Variants in NUBPL observed in about 807,000 individuals in gnomAD.
The protein encoded by NUBPL is NUBP iron-sulfur cluster assembly factor, mitochondrial, also known as iron-sulfur cluster transfer protein NUBPL.
In NUBPL, 31 loss-of-function variants were observed where a neutral mutation model predicts 45.7. The observed-to-expected ratio is 0.68, with a 90% CI of 0.51 to 0.92. The LOEUF (loss-of-function observed/expected upper bound fraction) is 0.92, where lower values mean the gene tolerates loss of function less well. NUBPL is among the 40% of genes least tolerant of loss of function. The pLI is 0.00. For synonymous variants in NUBPL, 144 were observed against 140.9 expected (o/e 1.02, Z -0.15); for missense variants, 401 against 398.7 (o/e 1.01, Z -0.05).
At chr14:31,661,219 C>T (rs1214961517) in intron 4 of NUBPL, among the ~76,000 whole-genome samples, 4 of 152,154 alleles carry the variant, frequency 2.6e-5, no homozygotes, top group African/African-American at 4.8e-5. Flanking sequence ...TTTTATGCTT[C>T]AGTGCATGAG....
rs144052193 is a variant in NUBPL at position 31,768,816 on chromosome 14, C to T, written c.514-18964C>T. Among the ~76,000 whole-genome samples, 13 of 152,314 alleles carry T rather than the reference C, an allele frequency of 8.5e-5. No homozygotes were observed. The East Asian group carries it at 2.5e-3, about 29-fold the overall frequency. ...ATGAAGAGTTCATCCTGGTACCAAG[C>T]ATTGCTTTCAGAGAAACACCAGGTG... On this transcript the variant is annotated intron_variant, in intron 6 of 10. Coordinates refer to ENST00000281081, the MANE Select transcript of NUBPL (RefSeq NM_025152.3).
intron 8 of NUBPL, among the ~76,000 whole-genome samples, chr14:31,831,503 C>A (rs567030059): frequency 8.6e-4 from 130 of 151,974 alleles, no homozygotes; most frequent in African/African-American, 3.0e-3. Flanking sequence ...CATACCATAC[C>A]ATACCATACC....
intron 6 of NUBPL, among the ~76,000 whole-genome samples, chr14:31,770,395 A>G (rs1017373619): frequency 6.6e-6 from 1 of 152,064 alleles, no homozygotes; most frequent in East Asian, 1.9e-4. Flanking sequence ...TGCTGAGTCT[A>G]CTTCTGGGTG....
chr14:31,735,213 T>C (rs1201896928), intron 6 of NUBPL, among the ~76,000 whole-genome samples: 1 of 152,212 alleles, frequency 6.6e-6, no homozygotes, highest in Non-Finnish European at 1.5e-5. Context: ...TTTCTTTTTG[T>C]CATTTATGTA....
At chr14:31,729,092 C>A (rs2037988490) in intron 6 of NUBPL, among the ~76,000 whole-genome samples, 1 of 152,004 alleles carries the variant, frequency 6.6e-6, no homozygotes, top group Admixed American at 6.6e-5. Context: ...ACCAGCCTGG[C>A]CAACATGGAG....
rs558657722 is a variant in NUBPL at position 31,631,320 on chromosome 14, CTG to C, written c.382+31943_382+31944del. The stretch of plus-strand genomic sequence containing the variant: ...GCCAGGAGCAAAGCTCCATTTATAG[CTG>C]TTACTTTTTTTTCCCTCTATGTATT... On this transcript the variant is annotated intron_variant, in intron 4 of 10. Transcript: ENST00000281081. 2.4e-3 allele frequency among the ~76,000 whole-genome samples: 370 copies of C among 152,134 alleles called. 1 individual carries two copies. The highest frequency in any genetic ancestry group is 8.2e-3 in the African/African-American group (342 of 41,512).
Position 31,846,461 on chromosome 14 carries a change from T to C in NUBPL, c.694-10T>C. 1.2e-6 allele frequency: 2 copies of C among 1,607,172 alleles called. No homozygotes were observed. The highest frequency in any genetic ancestry group is 4.5e-5 in the East Asian group (2 of 44,776). Reference sequence around the variant, plus strand: ...AATTTTATTTTGATTTCAGTGTGTTTTTATTCTAGGTCCTTGGCCTTGTCC... The same window carrying C: ...AATTTTATTTTGATTTCAGTGTGTTCTTATTCTAGGTCCTTGGCCTTGTCC... On this transcript the variant is annotated splice_polypyrimidine_tract_variant and intron_variant, in intron 8 of 10. Coordinates refer to ENST00000281081, the MANE Select transcript of NUBPL (RefSeq NM_025152.3).
intron 7 of NUBPL, among the ~76,000 whole-genome samples, chr14:31,797,985 C>T (rs992305378): frequency 2.7e-5 from 4 of 146,942 alleles, no homozygotes; most frequent in Non-Finnish European, 5.9e-5. Flanking sequence ...ATTTCTCCTT[C>T]ACTTATGAAG....
At chr14:31,603,126 A>G (rs1207276708) in intron 4 of NUBPL, among the ~76,000 whole-genome samples, 1 of 151,910 alleles carries the variant, frequency 6.6e-6, no homozygotes, top group Non-Finnish European at 1.5e-5. Flanking sequence ...AGCCTGGGCA[A>G]CATAGTGAGA....
chr14:31,706,453 G>A (rs1384513060), intron 6 of NUBPL, among the ~76,000 whole-genome samples: 1 of 152,232 alleles, frequency 6.6e-6, no homozygotes, highest in East Asian at 1.9e-4. Context: ...GTGAGTAACA[G>A]CAAGATGGCT....
intron 4 of NUBPL, among the ~76,000 whole-genome samples, chr14:31,607,383 A>C (rs1356875842): frequency 2.9e-5 from 2 of 68,560 alleles, no homozygotes; most frequent in African/African-American, 7.1e-5. Flanking sequence ...ACTTTGTCTC[A>C]AAAAAAAAAA....
chr14:31,760,144 T>TGTGTGTGTGTGTGAGAAAGA, intron 6 of NUBPL, among the ~76,000 whole-genome samples: 1 of 34,830 alleles, frequency 2.9e-5, no homozygotes, highest in South Asian at 1.9e-3. Flanking sequence ...TGTGTGTGTG[T>TGTGTGTGTGTGTGAGAAAGA]GAGAGAGAGA....
intron 4 of NUBPL, among the ~76,000 whole-genome samples, chr14:31,671,063 A>G (rs1202460069): frequency 2.0e-5 from 3 of 152,114 alleles, no homozygotes; most frequent in African/African-American, 4.8e-5. Flanking sequence ...TGCCTTGGGG[A>G]GTATAGCCAT....
intron 4 of NUBPL, among the ~76,000 whole-genome samples, chr14:31,639,273 G>A (rs746874001): frequency 6.6e-6 from 1 of 152,112 alleles, no homozygotes; most frequent in Non-Finnish European, 1.5e-5. Flanking sequence ...TGGTGCGGAT[G>A]TCCTTTCTGT....
At position 31,745,999 on chromosome 14, in the gene NUBPL, G is replaced by A. The variant is rs72676920; in HGVS notation, c.514-41781G>A. 6.1e-3 allele frequency among the ~76,000 whole-genome samples: 927 copies of A among 152,022 alleles called. 10 individuals carry two copies. Among genetic ancestry groups the A allele is most frequent in the South Asian group, 0.011 (53 of 4,818 alleles). ...GTAATTGGTGGGCGGATGCTGGGGCGGACTCTCTTAGAAAAGCTGCCCCTC... is the reference window on the plus strand; with the variant it reads ...GTAATTGGTGGGCGGATGCTGGGGCAGACTCTCTTAGAAAAGCTGCCCCTC... On this transcript the variant is annotated intron_variant, in intron 6 of 10. Transcript: ENST00000281081.
intron 7 of NUBPL, among the ~76,000 whole-genome samples, chr14:31,815,317 C>G (rs1015008846): frequency 1.3e-5 from 2 of 152,020 alleles, no homozygotes; most frequent in African/African-American, 4.8e-5. Context: ...AATGGGAGTT[C>G]ACTCATGGTT....
chr14:31,823,943 T>G (rs1397649568), intron 7 of NUBPL, among the ~76,000 whole-genome samples: 1 of 152,108 alleles, frequency 6.6e-6, no homozygotes, highest in East Asian at 1.9e-4. Flanking sequence ...GTGTTAATTT[T>G]TGGTTTCTTG....
At chr14:31,688,652 G>GTT (rs552419842) in intron 6 of NUBPL, among the ~76,000 whole-genome samples, 2,999 of 98,826 alleles carry the variant, frequency 0.03, 55 homozygotes, top group African/African-American at 0.059. Flanking sequence ...ACAGGTTTTT[G>GTT]TTGTTGTTTT....
At chr14:31,705,076 C>T (rs548795328) in intron 6 of NUBPL, among the ~76,000 whole-genome samples, 5 of 151,568 alleles carry the variant, frequency 3.3e-5, no homozygotes, top group East Asian at 3.9e-4. Context: ...CCAGTGGGTT[C>T]GTGGTCTCAC....
Sources: allele counts gnomAD v4.1 joint callset (sites outside exome capture counted in the v4.1 genomes callset), GRCh38; gene constraint gnomAD v4.1.1; transcripts MANE v1.5; gene names NCBI Gene and HGNC (gene_info 2026-07-23, HGNC 2026-07-21).